Variants in MOCOS observed in about 807,000 individuals in gnomAD.
MOCOS encodes the protein molybdenum cofactor sulfurase.
In MOCOS, 86 loss-of-function variants were observed where a neutral mutation model predicts 83.6. The observed-to-expected ratio is 1.03, with a 90% confidence interval of 0.86 to 1.23. The LOEUF is 1.23. Ranked by LOEUF, MOCOS falls within the 50% of genes most tolerant of loss-of-function variation. MOCOS has a pLI of 0.00. For synonymous variants in MOCOS, 445 were observed against 434.7 expected, an observed-to-expected ratio of 1.02 and a Z score of -0.29; for missense variants, 1,120 against 1,126.9, an observed-to-expected ratio of 0.99 and a Z score of 0.09.
At chr18:36,209,435 T>C (rs1371512641) in intron 6 of MOCOS, among the ~76,000 whole-genome samples, 1 of 152,144 alleles carries the variant, frequency 6.6e-6, no homozygotes, top group Non-Finnish European at 1.5e-5. Flanking sequence ...GGTGCATCCG[T>C]CACTTAAGCA....
At chr18:36,248,779 G>A in intron 9 of MOCOS, 143 bp from the exon 10 acceptor site, 1 of 708,868 alleles carries the variant, frequency 1.4e-6, no homozygotes, top group Non-Finnish European at 2.5e-6. Context: ...TTTTGGTTCT[G>A]TATCCTGTCA....
intron 10 of MOCOS, among the ~76,000 whole-genome samples, chr18:36,250,224 T>C (rs559894812): frequency 2.0e-5 from 3 of 152,322 alleles, no homozygotes; most frequent in South Asian, 4.1e-4. Flanking sequence ...AGAGTGCTGA[T>C]TGCCTACCAG....
In MOCOS at chr18:36,230,145, C is replaced by T. The variant is rs146899893; in HGVS notation, c.1960+9928C>T. Among the ~76,000 whole-genome samples, 985 of 152,254 alleles carry T rather than the reference C, an allele frequency of 6.5e-3. 10 individuals carry two copies. The highest frequency in any genetic ancestry group is 0.022 in the African/African-American group (931 of 41,560). ...TCACCCAGGCTGGAGTACAGTGGCA[C>T]GATCTCGGCTTACTGCAACCTTTGC... On this transcript the variant is annotated intron_variant, in intron 9 of 14. Transcript: ENST00000261326.
At chr18:36,213,179 A>T (rs1308268124) in intron 6 of MOCOS, among the ~76,000 whole-genome samples, 187 bp from the exon 7 acceptor site, 2 of 152,176 alleles carry the variant, frequency 1.3e-5, no homozygotes, top group African/African-American at 4.8e-5. Flanking sequence ...CCAAGAAGCC[A>T]CTGTCTCCAG....
chr18:36,257,087 C>T lies in MOCOS; in HGVS notation c.2270+14C>T. 1.9e-6 allele frequency: 3 copies of T among 1,600,800 alleles called. No individual in the cohort carries two copies. Among genetic ancestry groups the T allele is most frequent in the Non-Finnish European group, 2.6e-6 (3 of 1,167,916 alleles). On this transcript the variant is annotated intron_variant, in intron 12 of 14. Coordinates refer to ENST00000261326, the MANE Select transcript of MOCOS (RefSeq NM_017947.4). Reference sequence around the variant, plus strand: ...ACTAAACACCAGGTAAGACCTCATACCTCGGGACTAGCAGACAAGCATAAC... The same window carrying T: ...ACTAAACACCAGGTAAGACCTCATATCTCGGGACTAGCAGACAAGCATAAC...
At chr18:36,219,182 TA>T (rs2091486108) in intron 8 of MOCOS, among the ~76,000 whole-genome samples, 1 of 150,034 alleles carries the variant, frequency 6.7e-6, no homozygotes, top group African/African-American at 2.5e-5. Flanking sequence ...TTATTATTAT[TA>T]TTTTATTTTA....
chr18:36,240,027 T>C, intron 9 of MOCOS, among the ~76,000 whole-genome samples: 1 of 125,258 alleles, frequency 8.0e-6, no homozygotes, highest in African/African-American at 3.2e-5. Context: ...ATTCTAGTTA[T>C]ACATTCTTCT....
At chr18:36,252,545 G>A (rs948921127) in intron 11 of MOCOS, among the ~76,000 whole-genome samples, 2 of 151,770 alleles carry the variant, frequency 1.3e-5, no homozygotes, top group African/African-American at 4.8e-5. Flanking sequence ...GTGACAAAGC[G>A]AGACTCTGTC....
At chr18:36,259,596 A>AG (rs1389235011) in intron 12 of MOCOS, among the ~76,000 whole-genome samples, 6 of 150,310 alleles carry the variant, frequency 4.0e-5, no homozygotes, top group South Asian at 2.1e-4. Context: ...TGTGAAAAGA[A>AG]GGGGGAAAAA....
intron 9 of MOCOS, among the ~76,000 whole-genome samples, chr18:36,230,466 A>T (rs2091533800): frequency 6.6e-6 from 1 of 152,124 alleles, no homozygotes; most frequent in African/African-American, 2.4e-5. Flanking sequence ...TACCAATCAG[A>T]TTGGCCAGAG....
intron 14 of MOCOS, 98 bp downstream of exon 14, chr18:36,266,951 G>A (rs1355051394): frequency 9.7e-7 from 1 of 1,027,522 alleles, no homozygotes; most frequent in Non-Finnish European, 1.5e-6. Flanking sequence ...TTTTTAAATG[G>A]GGGATTTGCT....
At chr18:36,227,749 G>A (rs942990881) in intron 9 of MOCOS, among the ~76,000 whole-genome samples, 2 of 152,110 alleles carry the variant, frequency 1.3e-5, no homozygotes, top group African/African-American at 4.8e-5. Context: ...CTCCAATCTA[G>A]GCAATACCAT....
chr18:36,245,003 GTTTA>G (rs560931854), intron 9 of MOCOS, among the ~76,000 whole-genome samples: 1 of 152,088 alleles, frequency 6.6e-6, no homozygotes, highest in East Asian at 1.9e-4. Context: ...CTTTCATCAA[GTTTA>G]TATGAGTCCT....
At chr18:36,263,869 A>T (rs2091672393) in intron 13 of MOCOS, among the ~76,000 whole-genome samples, 1 of 152,174 alleles carries the variant, frequency 6.6e-6, no homozygotes, top group Admixed American at 6.5e-5. Context: ...TTTTAAGAAA[A>T]TTGTTTCTTT....
At chr18:36,255,250 G>A (rs1021566650) in intron 11 of MOCOS, among the ~76,000 whole-genome samples, 13 of 152,268 alleles carry the variant, frequency 8.5e-5, no homozygotes, top group Non-Finnish European at 1.8e-4. Flanking sequence ...TAAAGGGCTA[G>A]GGAAAGGAGT....
intron 6 of MOCOS, among the ~76,000 whole-genome samples, chr18:36,213,021 C>T (rs914599547): frequency 6.6e-6 from 1 of 152,078 alleles, no homozygotes; most frequent in African/African-American, 2.4e-5. Context: ...GTGATTAAAC[C>T]GAAAGTTGGA....
chr18:36,216,606 A>G (rs1008826894), intron 8 of MOCOS, among the ~76,000 whole-genome samples: 1 of 152,244 alleles, frequency 6.6e-6, no homozygotes, highest in Non-Finnish European at 1.5e-5. Context: ...TAAATCAATG[A>G]TAGAATTTTA....
At chr18:36,240,490 G>C (rs1396985546) in intron 9 of MOCOS, among the ~76,000 whole-genome samples, 3 of 150,380 alleles carry the variant, frequency 2.0e-5, no homozygotes, top group East Asian at 3.9e-4. Flanking sequence ...CAGTCTGCCC[G>C]TTCTCAGATC....
intron 11 of MOCOS, among the ~76,000 whole-genome samples, chr18:36,254,261 G>A (rs909313000): frequency 2.6e-5 from 4 of 152,064 alleles, no homozygotes; most frequent in African/African-American, 9.7e-5. Flanking sequence ...AAATTTTTAC[G>A]TTGTCATCTA....
Sources: allele counts gnomAD v4.1 joint callset (sites outside exome capture counted in the v4.1 genomes callset), GRCh38; gene constraint gnomAD v4.1.1; transcripts MANE v1.5; gene names NCBI Gene and HGNC (gene_info 2026-07-23, HGNC 2026-07-21).